The following PRKCA variants were observed in gnomAD, a reference collection of about 807,000 sequenced individuals.
The protein encoded by PRKCA is protein kinase C alpha type.
In PRKCA, 27 loss-of-function variants were observed where a neutral mutation model predicts 87.0. That is an observed-to-expected ratio of 0.31 (90% CI 0.23 to 0.43). The LOEUF (loss-of-function observed/expected upper bound fraction) is 0.43, where lower values mean the gene tolerates loss of function less well. PRKCA is among the 20% of genes least tolerant of loss of function. PRKCA has a pLI of 1.00. For missense variants in PRKCA, 518 were observed against 852.3 expected (o/e 0.61, Z 4.88); for synonymous variants, 329 against 311.1 (o/e 1.06, Z -0.61).
At chr17:66,502,302 T>C (rs899447733) in intron 3 of PRKCA, among the ~76,000 whole-genome samples, 9 of 151,976 alleles carry the variant, frequency 5.9e-5, no homozygotes, top group Non-Finnish European at 7.4e-5. Flanking sequence ...TGGCGCGATC[T>C]TGGCTCACTG....
chr17:66,397,275 C>CTTTT (rs57003663), intron 2 of PRKCA, among the ~76,000 whole-genome samples: 9,034 of 93,510 alleles, frequency 0.097, 906 homozygotes, highest in East Asian at 0.22. Context: ...CCAGTGTAGA[C>CTTTT]TTTTTTTTTT....
At chr17:66,373,215 CATT>C (rs1177898166) in intron 2 of PRKCA, among the ~76,000 whole-genome samples, 2 of 152,110 alleles carry the variant, frequency 1.3e-5, no homozygotes, top group African/African-American at 4.8e-5. Flanking sequence ...TTAAAGAACA[CATT>C]GTAAAAAAAT....
intron 2 of PRKCA, among the ~76,000 whole-genome samples, chr17:66,322,868 A>G (rs1207735418): frequency 6.6e-6 from 1 of 152,150 alleles, no homozygotes; most frequent in Non-Finnish European, 1.5e-5. Flanking sequence ...TGCAAAACAA[A>G]TGCATAGTTT....
intron 5 of PRKCA, among the ~76,000 whole-genome samples, chr17:66,661,071 CTCT>C (rs1045203074): frequency 5.9e-5 from 9 of 152,140 alleles, no homozygotes; most frequent in African/African-American, 1.7e-4. Context: ...TGTATCTCAC[CTCT>C]TCTTTCTCCA....
chr17:66,507,162 C>T (rs1003451801), intron 3 of PRKCA, among the ~76,000 whole-genome samples: 6 of 152,330 alleles, frequency 3.9e-5, no homozygotes, highest in African/African-American at 1.4e-4. Flanking sequence ...CTTCAAACAA[C>T]TTATCCTTAG....
At chr17:66,709,921 T>TG (rs1567988523) in intron 8 of PRKCA, among the ~76,000 whole-genome samples, 2 of 152,172 alleles carry the variant, frequency 1.3e-5, no homozygotes, top group Non-Finnish European at 2.9e-5. Context: ...CATCATTTAT[T>TG]GAAAAATGGC....
chr17:66,694,991 CTG>C (rs1170062576), intron 8 of PRKCA, among the ~76,000 whole-genome samples: 2 of 152,084 alleles, frequency 1.3e-5, no homozygotes, highest in Non-Finnish European at 2.9e-5. Flanking sequence ...AGAAAATGGG[CTG>C]AGAGGTAGGG....
intron 3 of PRKCA, among the ~76,000 whole-genome samples, chr17:66,585,372 A>C (rs1969561694): frequency 6.6e-6 from 1 of 152,168 alleles, no homozygotes; most frequent in South Asian, 2.1e-4. Context: ...CAGCTTGCTT[A>C]TCTATGTCTG....
chr17:66,381,338 T>G (rs1909766944), intron 2 of PRKCA, among the ~76,000 whole-genome samples: 1 of 152,230 alleles, frequency 6.6e-6, no homozygotes, highest in Non-Finnish European at 1.5e-5. Context: ...AGGCCAATTA[T>G]GAGTCAGTTT....
At chr17:66,749,661 C>G (rs567550921) in intron 13 of PRKCA, among the ~76,000 whole-genome samples, 36 of 152,324 alleles carry the variant, frequency 2.4e-4, no homozygotes, top group African/African-American at 8.4e-4. Flanking sequence ...GGTCTGGAGC[C>G]GTGCCTGGCA....
At chr17:66,649,907 C>T (rs944324028) in intron 5 of PRKCA, among the ~76,000 whole-genome samples, 2 of 152,056 alleles carry the variant, frequency 1.3e-5, no homozygotes, top group East Asian at 3.9e-4. Flanking sequence ...GAGAAGCAGC[C>T]GACTGAATAC....
intron 8 of PRKCA, among the ~76,000 whole-genome samples, chr17:66,694,767 TAAAAAAA>T (rs746908582): frequency 8.5e-6 from 1 of 117,518 alleles, no homozygotes; most frequent in Non-Finnish European, 1.7e-5. Context: ...TTCCAATGGT[TAAAAAAA>T]AAAAAAAAAA....
chr17:66,580,808 G>A (rs58268902), intron 3 of PRKCA, among the ~76,000 whole-genome samples: 21,607 of 152,020 alleles, frequency 0.14, 1,737 homozygotes, highest in Middle Eastern at 0.22. Context: ...TGCACTCCTC[G>A]TGAAGGTAAC....
intron 3 of PRKCA, among the ~76,000 whole-genome samples, chr17:66,635,469 A>G (rs1342880222): frequency 2.0e-5 from 3 of 152,180 alleles, no homozygotes; most frequent in East Asian, 3.8e-4. Context: ...GTGCCTTGAG[A>G]TGATTTTGTT....
chr17:66,570,769 T>C (rs920982988), intron 3 of PRKCA, among the ~76,000 whole-genome samples: 1 of 152,170 alleles, frequency 6.6e-6, no homozygotes, highest in African/African-American at 2.4e-5. Context: ...TCAACCCAAA[T>C]TGTGGGAATT....
intron 10 of PRKCA, among the ~76,000 whole-genome samples, chr17:66,737,876 T>A (rs1974072876): frequency 6.6e-6 from 1 of 152,230 alleles, no homozygotes; most frequent in South Asian, 2.1e-4. Context: ...AAGATGAAAT[T>A]AAAGTTCATA....
chr17:66,345,055 T>A (rs968774771), intron 2 of PRKCA, among the ~76,000 whole-genome samples: 1 of 152,222 alleles, frequency 6.6e-6, no homozygotes, highest in Non-Finnish European at 1.5e-5. Context: ...AGGATTACCC[T>A]TTTTATTTTT....
chr17:66,480,918 C>T lies in PRKCA; in HGVS notation c.206-15283C>T, dbSNP rs530009307. ...GGTCAATGTGAATTGCGTTCCTTCC[C>T]CCGGTGCTTGATTTTCCTTTGACCT... On this transcript the variant is annotated intron_variant, in intron 2 of 16. Coordinates refer to ENST00000413366, the MANE Select transcript of PRKCA (RefSeq NM_002737.3). Among the ~76,000 whole-genome samples the T allele has an allele frequency of 7.0e-3, 1,068 of 152,270 alleles. 10 individuals carry two copies. The highest frequency in any genetic ancestry group is 0.024 in the South Asian group (118 of 4,822).
intron 2 of PRKCA, among the ~76,000 whole-genome samples, chr17:66,435,946 C>A (rs1913369291): frequency 6.6e-6 from 1 of 152,002 alleles, no homozygotes; most frequent in Non-Finnish European, 1.5e-5. Context: ...ATTGGAGAGG[C>A]CAAGTTACAG....
Sources: allele counts gnomAD v4.1 joint callset (sites outside exome capture counted in the v4.1 genomes callset), GRCh38; gene constraint gnomAD v4.1.1; transcripts MANE v1.5; gene names NCBI Gene and HGNC (gene_info 2026-07-23, HGNC 2026-07-21).